The following CASR variants were observed in gnomAD, a reference collection of about 807,000 sequenced individuals.
CASR encodes the protein extracellular calcium-sensing receptor.
A neutral mutation model predicts 69.1 loss-of-function variants in CASR; 23 were observed. The observed-to-expected ratio is 0.33, with a 90% CI of 0.24 to 0.47. The LOEUF (loss-of-function observed/expected upper bound fraction) is 0.47. Ranked by LOEUF, CASR falls within the 20% of genes least tolerant of loss-of-function variation. The probability of loss-of-function intolerance (pLI) is 1.00; values close to 1 mark genes in which losing one functional copy is unlikely to be tolerated. For synonymous variants in CASR, 541 were observed against 544.7 expected (o/e 0.99, Z 0.10); for missense variants, 924 against 1,356.1 (o/e 0.68, Z 5.00).
chr3:122,202,900 A>G (rs2073971866), intron 1 of CASR, among the ~76,000 whole-genome samples: 1 of 152,222 alleles, frequency 6.6e-6, no homozygotes, highest in Non-Finnish European at 1.5e-5. Flanking sequence ...CAATACTGTT[A>G]TAGAATAGTC....
intron 1 of CASR, among the ~76,000 whole-genome samples, chr3:122,202,897 G>C (rs1371148924): frequency 6.6e-6 from 1 of 152,140 alleles, no homozygotes; most frequent in Admixed American, 6.5e-5. Context: ...CCTCAATACT[G>C]TTATAGAATA....
Position 122,285,308 on chromosome 3 carries a change from A to G in CASR, c.*117A>G. ...GAAGAAGGGATAATAGACACATCAA[A>G]TGCCCCGAATTTAGTCACACCATCT... On this transcript the variant is annotated 3_prime_UTR_variant, in exon 7 of 7. Transcript: ENST00000639785. 1 of 897,620 alleles carries G rather than the reference A, an allele frequency of 1.1e-6. No homozygotes were observed. Among genetic ancestry groups the G allele is most frequent in the Non-Finnish European group, 1.8e-6 (1 of 548,892 alleles). 55.6% of individuals were successfully genotyped at this position (897,620 alleles called of 1,614,324 possible).
chr3:122,256,620 T>C (rs2074557364), intron 2 of CASR, among the ~76,000 whole-genome samples: 1 of 152,128 alleles, frequency 6.6e-6, no homozygotes, highest in Non-Finnish European at 1.5e-5. Context: ...TTATTTTTAT[T>C]TATTCATTTA....
intron 3 of CASR, among the ~76,000 whole-genome samples, chr3:122,261,153 A>G (rs1478319866): frequency 1.3e-5 from 2 of 152,246 alleles, no homozygotes; most frequent in African/African-American, 4.8e-5. Context: ...ATTATAACCA[A>G]TGAGGCAGCA....
At chr3:122,230,881 T>C (rs1285226378) in intron 1 of CASR, among the ~76,000 whole-genome samples, 15 of 152,206 alleles carry the variant, frequency 9.9e-5, no homozygotes, top group Admixed American at 9.8e-4. Context: ...CAAAGGGGGT[T>C]TCTCTTTTTT....
intron 1 of CASR, among the ~76,000 whole-genome samples, chr3:122,186,069 C>A (rs558884309): frequency 2.8e-4 from 42 of 150,346 alleles, no homozygotes; most frequent in Non-Finnish European, 5.2e-4. Flanking sequence ...AGCAAATCAA[C>A]CAGTTTTTGT....
intron 1 of CASR, among the ~76,000 whole-genome samples, chr3:122,228,889 T>C (rs934071008): frequency 6.6e-6 from 1 of 152,136 alleles, no homozygotes; most frequent in Non-Finnish European, 1.5e-5. Flanking sequence ...CCTGACCCTC[T>C]CCTTTGCCTG....
intron 6 of CASR, 69 bp from the exon 7 acceptor site, chr3:122,283,618 C>G (rs1471714873): frequency 7.9e-7 from 1 of 1,263,954 alleles, no homozygotes. Context: ...ATTCCCACCA[C>G]CACATGTACA....
At chr3:122,207,327 T>C (rs888531305) in intron 1 of CASR, among the ~76,000 whole-genome samples, 2 of 152,082 alleles carry the variant, frequency 1.3e-5, no homozygotes, top group African/African-American at 2.4e-5. Flanking sequence ...TAGGCCTAAC[T>C]GACATTTATA....
Position 122,276,028 on chromosome 3 carries a change from G to A in CASR, c.1594G>A (p.Gly532Arg). 1 of 1,606,168 alleles carries A rather than the reference G, an allele frequency of 6.2e-7. No homozygotes were observed. The highest frequency in any genetic ancestry group is 8.5e-7 in the Non-Finnish European group (1 of 1,172,806). Residue 532 changes from glycine (G) to arginine (R), a missense_variant, in exon 5 of 7, where the codon GGG becomes AGG. Around this residue, in one of 8 missense-constraint regions of CASR, gnomAD observed 310 missense variants for 395.7 expected, o/e 0.78. Coordinates refer to ENST00000639785, the MANE Select transcript of CASR (RefSeq NM_000388.4). ...FINEEKILWS[G>R]FSREVPFSNC... is the part of the protein sequence containing the mutation. ...CAACGAGGAGAAAATCCTGTGGAGT[G>A]GGTTCTCCAGGGAGGTAGGTGCTGT...
chr3:122,249,022 C>T (rs981397009), intron 1 of CASR, among the ~76,000 whole-genome samples: 1 of 152,232 alleles, frequency 6.6e-6, no homozygotes, highest in Admixed American at 6.5e-5. Context: ...CCTCTGCCTA[C>T]AGGAACCATC....
At chr3:122,268,349 A>G (rs1284652791) in intron 4 of CASR, among the ~76,000 whole-genome samples, 1 of 152,218 alleles carries the variant, frequency 6.6e-6, no homozygotes, top group Admixed American at 6.5e-5. Flanking sequence ...TAATATATCT[A>G]GCTAGTAAAA....
chr3:122,211,441 C>T (rs892717976), intron 1 of CASR, among the ~76,000 whole-genome samples: 3 of 152,206 alleles, frequency 2.0e-5, no homozygotes, highest in African/African-American at 7.2e-5. Context: ...GGCACAGGGG[C>T]TCACACATGT....
chr3:122,275,932 G>A lies in CASR; in HGVS notation c.1498G>A (p.Asp500Asn), dbSNP rs1156349993. ...SIINWHLSPE[D>N]GSIVFKEVGY... is the part of the protein sequence containing the mutation. ...CATCAACTGGCACCTCTCCCCAGAG[G>A]ATGGCTCCATCGTGTTTAAGGAAGT... The change falls in exon 5 of 7, where the codon GAT (aspartate) becomes AAT (asparagine). Residue 500 changes from aspartate to asparagine, a missense_variant. Asp to Asn is a conservative substitution (Grantham distance 23). Transcript: ENST00000639785. The A allele has an allele frequency of 6.2e-7, 1 of 1,614,126 alleles. No homozygotes were observed. The highest frequency in any genetic ancestry group is 1.7e-5 in the Admixed American group (1 of 60,022).
At chr3:122,230,737 T>A (rs1048621228) in intron 1 of CASR, among the ~76,000 whole-genome samples, 3 of 152,090 alleles carry the variant, frequency 2.0e-5, no homozygotes, top group African/African-American at 7.2e-5. Context: ...TACCACTTGG[T>A]CATCTTACAA....
intron 1 of CASR, among the ~76,000 whole-genome samples, chr3:122,188,464 G>A (rs574937317): frequency 6.6e-6 from 1 of 152,230 alleles, no homozygotes; most frequent in African/African-American, 2.4e-5. Context: ...TCAGGAATCT[G>A]GGAAGTGCTT....
In CASR at chr3:122,284,787, C is replaced by A. The variant is rs2107651317; in HGVS notation, c.2833C>A (p.Gln945Lys). 1 of 1,614,160 alleles carries A rather than the reference C, an allele frequency of 6.2e-7. No homozygotes were observed. ...GGCCCTAACCCAGCAAGAGCAGCAG[C>A]AGCAGCCCCTGACCCTCCCACAGCA... ...PLALTQQEQQQQPLTLPQQQR... is the reference protein window; with the variant it reads ...PLALTQQEQQKQPLTLPQQQR... Residue 945 changes from glutamine (Q) to lysine (K), a missense_variant, in exon 7 of 7, where the codon CAG (glutamine) becomes AAG (lysine). By Grantham distance (53) the Gln-to-Lys change is moderately conservative. Coordinates refer to ENST00000639785, the MANE Select transcript of CASR (RefSeq NM_000388.4).
At chr3:122,196,949 T>C (rs1381823974) in intron 1 of CASR, among the ~76,000 whole-genome samples, 1 of 152,068 alleles carries the variant, frequency 6.6e-6, no homozygotes, top group Non-Finnish European at 1.5e-5. Context: ...TCAGTTACCT[T>C]TTTTTTGTAT....
chr3:122,209,981 A>G (rs1015483426), intron 1 of CASR, among the ~76,000 whole-genome samples: 1 of 152,240 alleles, frequency 6.6e-6, no homozygotes, highest in African/African-American at 2.4e-5. Context: ...AACTAAAGAC[A>G]AAAACCACAT....
Sources: gnomAD v4.1 joint callset for allele counts (sites outside exome capture counted in the v4.1 genomes callset) on GRCh38, gnomAD v4.1.1 for gene constraint, gnomAD v4.1.1 regional missense constraint, MANE v1.5 for transcripts, NCBI Gene and HGNC (gene_info 2026-07-23, HGNC 2026-07-21) for gene names.